CTNNBIP1: variants seen among roughly 807,000 people sequenced by gnomAD.
The protein encoded by CTNNBIP1 is catenin beta interacting protein 1.
Under a neutral mutation model 11.8 loss-of-function variants are expected in CTNNBIP1, and 7 were observed. That is an observed-to-expected ratio of 0.60 (90% CI 0.34 to 1.12). The LOEUF is 1.12. Among genes scored for constraint, CTNNBIP1 ranks in the 50% most tolerant of loss-of-function variants. The pLI, the probability that CTNNBIP1 is intolerant of heterozygous loss-of-function variation, is 0.03. For synonymous variants in CTNNBIP1, 58 were observed against 43.9 expected (o/e 1.32, Z -1.26); for missense variants, 101 against 113.4 (o/e 0.89, Z 0.50).
chr1:9,898,701 T>C (rs547606739), intron 1 of CTNNBIP1, among the ~76,000 whole-genome samples: 9 of 152,208 alleles, frequency 5.9e-5, no homozygotes, highest in Middle Eastern at 3.4e-3. Flanking sequence ...TCAGTATCCA[T>C]TGGGGATTGG....
intron 1 of CTNNBIP1, among the ~76,000 whole-genome samples, chr1:9,891,230 C>T (rs11808614): frequency 0.069 from 10,483 of 152,164 alleles, 1,223 homozygotes; most frequent in African/African-American, 0.24. Context: ...CATGTTCACG[C>T]CACCCCATTC....
In CTNNBIP1 at chr1:9,848,780, C is replaced by T. The variant is rs1295335858; in HGVS notation, c.*1938G>A. 2.0e-5 allele frequency: 3 copies of T among 152,270 alleles called. No homozygotes were observed. Among genetic ancestry groups the T allele is most frequent in the African/African-American group, 4.8e-5 (2 of 41,464 alleles). The allele number at this position is 152,270 out of a possible 1,614,324, so 9.4% of individuals were successfully genotyped here. ...TTCCCCACAGCTGACTGTCAGCTAA[C>T]CAGGGCTAGGGGTGAGTGCATGGTG... is the stretch of plus-strand genomic sequence containing the variant. On this transcript the variant is annotated 3_prime_UTR_variant, in exon 6 of 6. Transcript: ENST00000377263. This position sits in a 1 kb window ranked among gnomAD's most constrained non-coding sequence, Gnocchi z 4.3.
intron 5 of CTNNBIP1, among the ~76,000 whole-genome samples, chr1:9,854,189 A>T (rs550277367): frequency 6.6e-6 from 1 of 152,306 alleles, no homozygotes; most frequent in African/African-American, 2.4e-5. Context: ...AGCCTGACCA[A>T]CATGGTGAAA....
Position 9,851,874 on chromosome 1 carries a change from T to C in CTNNBIP1, c.188-1098A>G, listed in dbSNP as rs1216020748. On this transcript the variant is annotated intron_variant, in intron 5 of 5. Coordinates refer to ENST00000377263, the MANE Select transcript of CTNNBIP1 (RefSeq NM_020248.3). This position sits in a 1 kb window ranked among gnomAD's most constrained non-coding sequence, Gnocchi z 4.8. ...GGGGCTGACATGGCCAGGGAGGGGC[T>C]GTGGGCCAGGAGGTGACCTGTAGGG... Among the ~76,000 whole-genome samples the C allele has an allele frequency of 6.6e-6, 1 of 152,146 alleles. No homozygotes were observed. The highest frequency in any genetic ancestry group is 2.4e-5 in the African/African-American group (1 of 41,422).
At chr1:9,908,375 T>A (rs1639660971) in intron 1 of CTNNBIP1, among the ~76,000 whole-genome samples, 1 of 143,016 alleles carries the variant, frequency 7.0e-6, no homozygotes, top group Non-Finnish European at 1.5e-5. Context: ...AGATTCTTTT[T>A]TTTTTTTTTT....
intron 1 of CTNNBIP1, among the ~76,000 whole-genome samples, chr1:9,886,395 C>T (rs1045324685): frequency 7.0e-6 from 1 of 143,872 alleles, no homozygotes; most frequent in Admixed American, 6.7e-5. Flanking sequence ...ACAATCGAAT[C>T]GAATATATCT....
chr1:9,891,948 C>T (rs1169047575), intron 1 of CTNNBIP1, among the ~76,000 whole-genome samples: 2 of 151,938 alleles, frequency 1.3e-5, no homozygotes, highest in African/African-American at 2.4e-5. Context: ...ACTACAGGTG[C>T]GTGCCACCAT....
rs552816528 is a variant in CTNNBIP1, at chr1:9,848,647, T to G, written c.*2071A>C. 1.3e-5 allele frequency: 2 copies of G among 152,220 alleles called. No homozygotes were observed. Among genetic ancestry groups the G allele is most frequent in the African/African-American group, 4.8e-5 (2 of 41,536 alleles). 9.4% of individuals were successfully genotyped at this position (152,220 alleles called of 1,614,324 possible). ...CGGGGAGAGTGCGTGTGTGTGCACA[T>G]GTGTATGAGTGTGCACACGGGTGTG... is the stretch of plus-strand genomic sequence containing the variant. On this transcript the variant is annotated 3_prime_UTR_variant, in exon 6 of 6. Transcript: ENST00000377263. The surrounding 1 kb of genome is among the most constrained non-coding windows in gnomAD (Gnocchi z 4.3).
chr1:9,869,689 C>G (rs1020698512), intron 5 of CTNNBIP1, among the ~76,000 whole-genome samples: 2 of 152,066 alleles, frequency 1.3e-5, no homozygotes, highest in African/African-American at 2.4e-5. Flanking sequence ...GATTTTTTCC[C>G]AAGAGTATTC....
At chr1:9,892,599 A>AG (rs1013054864) in intron 1 of CTNNBIP1, among the ~76,000 whole-genome samples, 1 of 152,022 alleles carries the variant, frequency 6.6e-6, no homozygotes, top group African/African-American at 2.4e-5. Context: ...TCAAAAAAAA[A>AG]AAAAGAAAAG....
intron 1 of CTNNBIP1, among the ~76,000 whole-genome samples, chr1:9,888,519 T>C (rs1639232279): frequency 6.6e-6 from 1 of 150,936 alleles, no homozygotes; most frequent in Non-Finnish European, 1.5e-5. Flanking sequence ...GCCACTGCAC[T>C]CCAGCCTGGG....
intron 5 of CTNNBIP1, 67 bp from the exon 6 acceptor site, chr1:9,850,843 G>A (rs1285494922): frequency 1.3e-6 from 2 of 1,499,010 alleles, no homozygotes; most frequent in Non-Finnish European, 1.9e-6. Context: ...GGACAAGCAA[G>A]GAGGCTGCGG....
chr1:9,901,418 T>A (rs1048823138), intron 1 of CTNNBIP1, among the ~76,000 whole-genome samples: 4 of 152,180 alleles, frequency 2.6e-5, no homozygotes, highest in South Asian at 2.1e-4. Context: ...GTGAGGTGTT[T>A]GATCCACAAG....
At chr1:9,852,050 G>C (rs1638398948) in intron 5 of CTNNBIP1, among the ~76,000 whole-genome samples, 1 of 152,196 alleles carries the variant, frequency 6.6e-6, no homozygotes, top group African/African-American at 2.4e-5. Flanking sequence ...TCTGGGAGGG[G>C]GTGGATCGGA....
intron 5 of CTNNBIP1, among the ~76,000 whole-genome samples, chr1:9,861,404 G>A (rs1638622938): frequency 6.6e-6 from 1 of 152,200 alleles, no homozygotes; most frequent in Non-Finnish European, 1.5e-5. Context: ...TCGGGACTAT[G>A]AGCTGGGTGT....
chr1:9,895,332 G>A (rs1458096897), intron 1 of CTNNBIP1, among the ~76,000 whole-genome samples: 1 of 151,948 alleles, frequency 6.6e-6, no homozygotes, highest in Non-Finnish European at 1.5e-5. Flanking sequence ...CCAAGTAGCT[G>A]GGATTATAGG....
intron 5 of CTNNBIP1, among the ~76,000 whole-genome samples, chr1:9,858,863 C>T (rs1638564657): frequency 6.6e-6 from 1 of 152,090 alleles, no homozygotes; most frequent in Admixed American, 6.5e-5. Context: ...GAGAGAAGAC[C>T]CAGATCCAGA....
At chr1:9,907,690 G>A (rs565057365) in intron 1 of CTNNBIP1, among the ~76,000 whole-genome samples, 6 of 152,306 alleles carry the variant, frequency 3.9e-5, no homozygotes, top group African/African-American at 1.4e-4. Flanking sequence ...AAGGAGGCGG[G>A]GACCTGTTCT....
chr1:9,880,003 C>A (rs1157646052), intron 2 of CTNNBIP1, among the ~76,000 whole-genome samples: 2 of 152,148 alleles, frequency 1.3e-5, no homozygotes, highest in African/African-American at 4.8e-5. Flanking sequence ...GATACATGTG[C>A]AGAACGTGCA....
Sources: allele counts gnomAD v4.1 joint callset (sites outside exome capture counted in the v4.1 genomes callset), GRCh38; gene constraint gnomAD v4.1.1; non-coding constraint Gnocchi (gnomAD v3.1); transcripts MANE v1.5; gene names NCBI Gene and HGNC (gene_info 2026-07-23, HGNC 2026-07-21).